The following TOGARAM2 variants were observed in gnomAD, a reference collection of about 807,000 sequenced individuals.
The protein encoded by TOGARAM2 is TOG array regulator of axonemal microtubules 2.
A neutral mutation model predicts 93.3 loss-of-function variants in TOGARAM2; 85 were observed. The observed-to-expected ratio is 0.91, with a 90% CI of 0.76 to 1.09. The LOEUF is 1.09. Among genes scored for constraint, TOGARAM2 ranks in the 50% least tolerant of loss-of-function variants. TOGARAM2 has a pLI of 0.00. For missense variants in TOGARAM2, 1,277 were observed against 1,334.5 expected, an observed-to-expected ratio of 0.96 and a Z score of 0.67; for synonymous variants, 593 against 552.8, an observed-to-expected ratio of 1.07 and a Z score of -1.02.
chr2:29,026,812 A>C (rs777775598), intron 13 of TOGARAM2, 41 bp from the exon 14 acceptor site: 4 of 1,518,872 alleles, frequency 2.6e-6, no homozygotes, highest in South Asian at 1.3e-5. Flanking sequence ...CTCCCACACC[A>C]CTATCCTGAG....
intron 16 of TOGARAM2, among the ~76,000 whole-genome samples, chr2:29,034,318 G>A (rs116120517): frequency 1.8e-3 from 275 of 152,374 alleles, no homozygotes; most frequent in African/African-American, 6.2e-3. Flanking sequence ...GGTTCTGCAA[G>A]ATTCAGCTCA....
chr2:28,993,916 A>G (rs2148266858), intron 1 of TOGARAM2, among the ~76,000 whole-genome samples: 1 of 151,866 alleles, frequency 6.6e-6, no homozygotes, highest in South Asian at 2.1e-4. Context: ...GTGGACGAGA[A>G]CTCCTCTCTG....
intron 6 of TOGARAM2, among the ~76,000 whole-genome samples, chr2:29,003,959 G>A (rs938095876): frequency 1.3e-5 from 2 of 152,206 alleles, no homozygotes; most frequent in Non-Finnish European, 2.9e-5. Flanking sequence ...TAGTGGATGA[G>A]GTTGCCGGAG....
intron 1 of TOGARAM2, among the ~76,000 whole-genome samples, chr2:28,965,199 G>GT (rs1475395169): frequency 2.6e-5 from 4 of 151,994 alleles, no homozygotes; most frequent in Admixed American, 2.6e-4. Flanking sequence ...GTGGGGTTTT[G>GT]TTTTTTTATC....
Position 29,024,239 on chromosome 2 carries a change from T to C in TOGARAM2, c.1718T>C (p.Ile573Thr). The change falls in exon 13 of 20, where the codon ATC (isoleucine) becomes ACC (threonine). Residue 573 changes from isoleucine (I) to threonine (T), a missense_variant. Transcript: ENST00000379558. ...AATATGGACCAGGAGGCCGAGGAGA[T>C]CGCCCGCTGCTTGCTGCAGAAGATG... is the stretch of plus-strand genomic sequence containing the variant. ...KKNMDQEAEE[I>T]ARCLLQKMAD... 1 of 1,611,048 alleles carries C rather than the reference T, an allele frequency of 6.2e-7. No individual in the cohort carries two copies. The highest frequency in any genetic ancestry group is 8.5e-7 in the Non-Finnish European group (1 of 1,178,588).
intron 1 of TOGARAM2, among the ~76,000 whole-genome samples, chr2:28,961,073 G>A (rs1572614347): frequency 6.6e-6 from 1 of 152,108 alleles, no homozygotes; most frequent in Non-Finnish European, 1.5e-5. Flanking sequence ...GGCAGAGTTG[G>A]TGCAAAACTG....
intron 18 of TOGARAM2, among the ~76,000 whole-genome samples, chr2:29,041,266 T>G (rs1666419066): frequency 6.6e-6 from 1 of 152,150 alleles, no homozygotes; most frequent in Non-Finnish European, 1.5e-5. Flanking sequence ...TCAGGTGATC[T>G]GCTCACCTCG....
intron 1 of TOGARAM2, among the ~76,000 whole-genome samples, chr2:28,973,922 A>T (rs1343985986): frequency 6.6e-6 from 1 of 152,060 alleles, no homozygotes; most frequent in African/African-American, 2.4e-5. Context: ...TTTATTTTTG[A>T]AAAATGTAGA....
At chr2:29,044,186 T>C (rs1051885481) in intron 18 of TOGARAM2, among the ~76,000 whole-genome samples, 31 of 152,220 alleles carry the variant, frequency 2.0e-4, no homozygotes, top group Middle Eastern at 3.4e-3. Flanking sequence ...GGAGCTGGGA[T>C]TGGGGGCGGG....
chr2:29,005,939 T>G (rs879769158), intron 6 of TOGARAM2, among the ~76,000 whole-genome samples: 43 of 145,590 alleles, frequency 3.0e-4, no homozygotes, highest in Non-Finnish European at 5.1e-4. Flanking sequence ...AGTGTGTGTG[T>G]GGGGTATGTG....
chr2:29,051,881 C>T lies in TOGARAM2; in HGVS notation c.2848C>T (p.Arg950Cys), dbSNP rs560926041. 73 of 1,574,906 alleles carry T rather than the reference C, an allele frequency of 4.6e-5. No homozygotes were observed. The highest frequency in any genetic ancestry group is 1.2e-4 in the East Asian group (5 of 42,398). ...CCTGCCTGGACCCAGCGGGAACATC[C>T]GCGGGGTGGTGTGCCGGCTGTCCAG... The part of the protein sequence containing the change: ...GTLPGPSGNI[R>C]GVVCRLSRSL... Residue 950 changes from arginine to cysteine, a missense_variant, in exon 20 of 20, where the codon CGC (arginine) becomes TGC (cysteine). Physicochemically the swap from Arg to Cys is radical, Grantham distance 180 (BLOSUM62 -3). Coordinates refer to ENST00000379558, the MANE Select transcript of TOGARAM2 (RefSeq NM_199280.4).
chr2:28,991,464 C>G (rs1672728917), intron 1 of TOGARAM2, among the ~76,000 whole-genome samples: 1 of 152,234 alleles, frequency 6.6e-6, no homozygotes, highest in Non-Finnish European at 1.5e-5. Flanking sequence ...CCCCTCCTTC[C>G]TTTCTCTGTC....
Position 29,017,823 on chromosome 2 carries a change from G to C in TOGARAM2, c.1227G>C (p.Leu409=). ...GLLPLRGSGT[L]SVPTRLSGPC... is the part of the protein sequence containing the mutation. ...TTCCCCTCCGGGGCAGCGGGACACT[G>C]TCTGTGCCCACTAGGCTGAGCGGCC... The change falls in exon 10 of 20, where the codon CTG becomes CTC. Residue 409 remains leucine (L), a synonymous_variant. Transcript: ENST00000379558. 1.9e-6 allele frequency: 3 copies of C among 1,612,934 alleles called. No individual in the cohort carries two copies. Among genetic ancestry groups the C allele is most frequent in the East Asian group, 2.2e-5 (1 of 44,786 alleles).
chr2:28,979,520 C>T (rs6547900), upstream of TOGARAM2, among the ~76,000 whole-genome samples: 119,851 of 152,182 alleles, frequency 0.79, 47,771 homozygotes, highest in Middle Eastern at 0.87. Flanking sequence ...TCCATCCTCC[C>T]TTATTGCAGG....
At chr2:28,999,137 C>G in intron 3 of TOGARAM2, 44 bp from the exon 4 acceptor site, 1 of 1,554,908 alleles carries the variant, frequency 6.4e-7, no homozygotes, top group Non-Finnish European at 8.7e-7. Context: ...TGGTGCCACC[C>G]TGGGTACTGC....
At chr2:29,045,779 G>C (rs1453657856) in intron 19 of TOGARAM2, 5 of 310,008 alleles carry the variant, frequency 1.6e-5, no homozygotes, top group Non-Finnish European at 2.5e-5. Flanking sequence ...GATTAGGGAT[G>C]CAGAACTGGT....
Position 29,033,016 on chromosome 2 carries a change from G to A in TOGARAM2, c.2095G>A (p.Asp699Asn), listed in dbSNP as rs553774779. ...AFLKQSLPSY[D>N]LQKVMAAIKQ... is the part of the protein sequence containing the mutation. ...TCTGAAGCAATCTCTCCCATCTTAC[G>A]ACTTGCAGAAGGTCATGGCGGCCAT... The change falls in exon 15 of 20, where the codon GAC (aspartate) becomes AAC (asparagine). Residue 699 changes from aspartate (D) to asparagine (N), a missense_variant. Coordinates refer to ENST00000379558, the MANE Select transcript of TOGARAM2 (RefSeq NM_199280.4). The A allele has an allele frequency of 1.9e-5, 30 of 1,613,792 alleles. No individual in the cohort carries two copies. The East Asian group carries it at 5.1e-4, about 28-fold the overall frequency.
At chr2:28,968,476 G>A (rs1671897642) in intron 1 of TOGARAM2, among the ~76,000 whole-genome samples, 1 of 151,896 alleles carries the variant, frequency 6.6e-6, no homozygotes, top group African/African-American at 2.4e-5. Flanking sequence ...CAGTGTGTCT[G>A]TTGGTTGCAA....
chr2:29,033,289 T>C, intron 15 of TOGARAM2, 180 bp from the exon 16 acceptor site: 1 of 693,838 alleles, frequency 1.4e-6, no homozygotes, highest in Admixed American at 2.7e-5. Flanking sequence ...CTTCATCTGT[T>C]AACCAGGGAT....
Sources: allele counts gnomAD v4.1 joint callset (sites outside exome capture counted in the v4.1 genomes callset), GRCh38; gene constraint gnomAD v4.1.1; transcripts MANE v1.5; gene names NCBI Gene and HGNC (gene_info 2026-07-23, HGNC 2026-07-21).